The following STARD13 variants were observed in gnomAD, a reference collection of about 807,000 sequenced individuals.
STARD13 encodes stAR-related lipid transfer protein 13.
STARD13 carries 62 observed loss-of-function variants against 106.4 expected under a neutral mutation model. That is an observed-to-expected ratio of 0.58 (90% CI 0.48 to 0.72). STARD13 has a LOEUF of 0.72. Among genes scored for constraint, STARD13 ranks in the 30% least tolerant of loss-of-function variants. STARD13 has a pLI of 0.00. For missense variants in STARD13, 1,387 were observed against 1,424.0 expected (o/e 0.97, Z 0.42); for synonymous variants, 565 against 553.0 (o/e 1.02, Z -0.31).
chr13:33,484,154 G>A, the STARD13 span, among the ~76,000 whole-genome samples: 3 of 152,226 alleles, frequency 2.0e-5, no homozygotes, highest in East Asian at 3.9e-4. Flanking sequence ...ACTGCCCTTG[G>A]TCATTCCTGG....
chr13:33,460,675 T>C, the STARD13 span, among the ~76,000 whole-genome samples: 1 of 151,806 alleles, frequency 6.6e-6, no homozygotes, highest in African/African-American at 2.4e-5. Flanking sequence ...AAAATAAAAG[T>C]CATTAATATG....
chr13:33,165,512 T>A, intron 2 of STARD13, 94 bp from the exon 3 acceptor site: 1 of 916,738 alleles, frequency 1.1e-6, no homozygotes, highest in Non-Finnish European at 1.7e-6. Flanking sequence ...AGCCACTGAT[T>A]TTAATAGCAG....
intron 1 of STARD13, among the ~76,000 whole-genome samples, chr13:33,174,908 A>T (rs1353042630): frequency 6.6e-6 from 1 of 152,186 alleles, no homozygotes; most frequent in Non-Finnish European, 1.5e-5. Context: ...AAAATGTTGT[A>T]AACAATCCTC....
At chr13:33,525,785 T>G in the STARD13 span, among the ~76,000 whole-genome samples, 2 of 152,136 alleles carry the variant, frequency 1.3e-5, no homozygotes, top group Non-Finnish European at 2.9e-5. Flanking sequence ...TACTCATAGA[T>G]TATCAGAGGT....
chr13:33,249,433 T>C (rs9527282), intron 1 of STARD13, among the ~76,000 whole-genome samples: 60,800 of 152,120 alleles, frequency 0.4, 12,472 homozygotes, highest in Admixed American at 0.46. Context: ...AATCTAAAAA[T>C]GCATTTCTTC....
At chr13:33,122,461 T>C (rs979591306) in intron 7 of STARD13, among the ~76,000 whole-genome samples, 4 of 152,228 alleles carry the variant, frequency 2.6e-5, no homozygotes, top group African/African-American at 9.6e-5. Flanking sequence ...AATGCTCTGC[T>C]GTCTTGGTTT....
At chr13:33,250,410 G>A (rs578148576) in intron 1 of STARD13, among the ~76,000 whole-genome samples, 4 of 152,128 alleles carry the variant, frequency 2.6e-5, no homozygotes, top group South Asian at 2.1e-4. Flanking sequence ...TTTTATTCTC[G>A]CAAAAACAGT....
intron 1 of STARD13, among the ~76,000 whole-genome samples, chr13:33,248,594 C>G (rs748536044): frequency 6.6e-6 from 1 of 152,120 alleles, no homozygotes; most frequent in Non-Finnish European, 1.5e-5. Flanking sequence ...ACACTGCTCC[C>G]CCATCCCTCT....
intron 1 of STARD13, among the ~76,000 whole-genome samples, chr13:33,302,230 A>T (rs1892748668): frequency 6.6e-6 from 1 of 152,174 alleles, no homozygotes; most frequent in Admixed American, 6.5e-5. Flanking sequence ...CTCTAAAATG[A>T]AGAACTGACA....
the STARD13 span, among the ~76,000 whole-genome samples, chr13:33,485,636 C>A: frequency 1.1e-4 from 16 of 152,190 alleles, no homozygotes; most frequent in South Asian, 3.3e-3. Flanking sequence ...GACAGAATTC[C>A]CATTATCACT....
At chr13:33,635,953 C>T in the STARD13 span, among the ~76,000 whole-genome samples, 1 of 151,930 alleles carries the variant, frequency 6.6e-6, no homozygotes, top group Non-Finnish European at 1.5e-5. Flanking sequence ...CACTGCACTT[C>T]AGCCTGGGCG....
At chr13:33,550,797 G>A in the STARD13 span, among the ~76,000 whole-genome samples, 2 of 152,110 alleles carry the variant, frequency 1.3e-5, no homozygotes, top group Non-Finnish European at 2.9e-5. Context: ...TTCACTCCAT[G>A]CATTGCTTTT....
chr13:33,319,171 A>C (rs1327411296), intron 1 of STARD13, among the ~76,000 whole-genome samples: 1 of 152,260 alleles, frequency 6.6e-6, no homozygotes, highest in Non-Finnish European at 1.5e-5. Flanking sequence ...TAAACAGATA[A>C]ACAAAATGTA....
chr13:33,537,523 A>G, the STARD13 span, among the ~76,000 whole-genome samples: 2 of 152,192 alleles, frequency 1.3e-5, no homozygotes, highest in African/African-American at 4.8e-5. Context: ...AATTACACCC[A>G]TGCAGAAAGT....
chr13:33,552,899 AAC>A, the STARD13 span, among the ~76,000 whole-genome samples: 175 of 152,296 alleles, frequency 1.1e-3, 2 homozygotes, highest in African/African-American at 4.1e-3. Context: ...GAAGATTAAA[AAC>A]ACACAAAAAT....
the STARD13 span, among the ~76,000 whole-genome samples, chr13:33,591,999 G>A: frequency 6.6e-6 from 1 of 152,142 alleles, no homozygotes; most frequent in East Asian, 1.9e-4. Context: ...ACTAATGCTA[G>A]TAATTAAAGA....
chr13:33,381,959 G>A, the STARD13 span, among the ~76,000 whole-genome samples: 1,575 of 152,224 alleles, frequency 0.01, 40 homozygotes, highest in African/African-American at 0.036. Context: ...TGTCCTTTAA[G>A]TTTCCTACAG....
the STARD13 span, among the ~76,000 whole-genome samples, chr13:33,448,808 T>G: frequency 6.6e-6 from 1 of 152,148 alleles, no homozygotes; most frequent in Non-Finnish European, 1.5e-5. Context: ...CTAACCAGAA[T>G]GAAGTGATAT....
chr13:33,247,486 C>T (rs1462836296), intron 1 of STARD13, among the ~76,000 whole-genome samples: 4 of 83,304 alleles, frequency 4.8e-5, no homozygotes, highest in African/African-American at 1.5e-4. Flanking sequence ...AGTGCCCTCT[C>T]ATTTTTTGGA....
Sources: gnomAD v4.1 joint callset for allele counts (sites outside exome capture counted in the v4.1 genomes callset) on GRCh38, gnomAD v4.1.1 for gene constraint, MANE v1.5 for transcripts, NCBI Gene and HGNC (gene_info 2026-07-23, HGNC 2026-07-21) for gene names.